Variants in LCOR observed in about 807,000 individuals in gnomAD.
LCOR encodes ligand-dependent corepressor.
In LCOR, 14 loss-of-function variants were observed where a neutral mutation model predicts 64.4. That is an observed-to-expected ratio of 0.22 (90% confidence interval 0.14 to 0.34). The LOEUF is 0.34. Among genes scored for constraint, LCOR ranks in the 10% least tolerant of loss-of-function variants. LCOR has a pLI of 1.00. For synonymous variants in LCOR, 643 were observed against 642.5 expected (o/e 1.00, Z -0.01); for missense variants, 1,686 against 1,765.3 (o/e 0.96, Z 0.80).
chr10:96,871,879 A>G (rs1404081816), intron 2 of LCOR, among the ~76,000 whole-genome samples: 1 of 152,208 alleles, frequency 6.6e-6, no homozygotes, highest in African/African-American at 2.4e-5. Flanking sequence ...AAACAACAAC[A>G]GTAAACAAAC....
At chr10:96,914,831 G>A (rs1846910047) in intron 4 of LCOR, among the ~76,000 whole-genome samples, 1 of 152,004 alleles carries the variant, frequency 6.6e-6, no homozygotes, top group African/African-American at 2.4e-5. Flanking sequence ...ATCTAGAAAT[G>A]GAACCACTGC....
At chr10:96,946,730 A>G (rs908132615) in intron 5 of LCOR, among the ~76,000 whole-genome samples, 11 of 152,104 alleles carry the variant, frequency 7.2e-5, no homozygotes, top group African/African-American at 1.9e-4. Context: ...GTCTTGTCTC[A>G]TGACTGTGTT....
At position 96,871,217 on chromosome 10, in the gene LCOR, CTTTT is replaced by C. The variant is rs113618273; in HGVS notation, c.-329-36037_-329-36034del. Among the ~76,000 whole-genome samples, 7 of 140,020 alleles carry C rather than the reference CTTTT, an allele frequency of 5.0e-5. No individual in the cohort carries two copies. In the East Asian group the frequency reaches 1.0e-3, roughly 21 times the overall value. The allele number at this position is 140,020 out of a possible 152,430, so 91.9% of individuals were successfully genotyped here. On this transcript the variant is annotated intron_variant, in intron 2 of 7. Transcript: ENST00000421806. Reference sequence around the variant, plus strand: ...GCTTACAGGCATGTGCCACACCTGGCTTTTTTTTTTTTTTCCTCTTGTAGAGACA... The same window carrying C: ...GCTTACAGGCATGTGCCACACCTGGCTTTTTTTTTTCCTCTTGTAGAGACA...
intron 2 of LCOR, among the ~76,000 whole-genome samples, chr10:96,872,142 A>G (rs1452487991): frequency 2.6e-5 from 4 of 152,244 alleles, no homozygotes; most frequent in East Asian, 1.9e-4. Flanking sequence ...CTACCTCTAC[A>G]TAGATAGCCA....
chr10:96,934,966 C>G (rs1847322774), intron 4 of LCOR, among the ~76,000 whole-genome samples: 7 of 151,922 alleles, frequency 4.6e-5, no homozygotes, highest in Admixed American at 4.6e-4. Context: ...AATAAATATT[C>G]CTAAATTTAT....
In LCOR at chr10:96,916,332, C is replaced by T. The variant is rs1280614689; in HGVS notation, c.-184+8585C>T. ...AGGCGTGAGCCACCACACCCGGCCCCCTTGAAAGTTTATATTAACAGCAAG... is the reference window on the plus strand; with the variant it reads ...AGGCGTGAGCCACCACACCCGGCCCTCTTGAAAGTTTATATTAACAGCAAG... On this transcript the variant is annotated intron_variant, in intron 4 of 7. Coordinates refer to ENST00000421806, the MANE Select transcript of LCOR (RefSeq NM_001346516.2). 3.3e-5 allele frequency among the ~76,000 whole-genome samples: 5 copies of T among 151,746 alleles called. No homozygotes were observed. In the East Asian group the frequency reaches 9.8e-4, roughly 30 times the overall value.
intron 5 of LCOR, among the ~76,000 whole-genome samples, chr10:96,948,149 C>A (rs1274036216): frequency 2.0e-5 from 3 of 152,114 alleles, no homozygotes; most frequent in Non-Finnish European, 4.4e-5. Context: ...AAAAGTTCTT[C>A]GAGTTAATGA....
intron 7 of LCOR, chr10:96,957,396 C>T (rs867599278): frequency 3.0e-6 from 3 of 984,948 alleles, no homozygotes; most frequent in Middle Eastern, 5.2e-4. Context: ...AGTTTATTTT[C>T]TGCGGTTTTT....
intron 2 of LCOR, among the ~76,000 whole-genome samples, chr10:96,888,388 A>AG (rs1846382681): frequency 6.7e-6 from 1 of 149,832 alleles, no homozygotes; most frequent in Non-Finnish European, 1.5e-5. Flanking sequence ...AAAAAAAAAA[A>AG]AAAGAACAGT....
At chr10:96,915,220 A>T (rs1646259101) in intron 4 of LCOR, among the ~76,000 whole-genome samples, 1 of 152,122 alleles carries the variant, frequency 6.6e-6, no homozygotes, top group Non-Finnish European at 1.5e-5. Context: ...CATAGCTTTT[A>T]AAAATATGTA....
chr10:96,884,961 G>A (rs1427488612), intron 2 of LCOR, among the ~76,000 whole-genome samples: 3 of 152,064 alleles, frequency 2.0e-5, no homozygotes. Context: ...TGTTTGTTGG[G>A]GAGGGGAGTG....
chr10:96,868,318 A>G (rs1326307824), intron 2 of LCOR, among the ~76,000 whole-genome samples: 1 of 141,102 alleles, frequency 7.1e-6, no homozygotes, highest in Non-Finnish European at 1.5e-5. Context: ...ACTGTTGTTC[A>G]GGCTGGAGTG....
chr10:96,973,002 TG>T (rs1035319343), intron 7 of LCOR, among the ~76,000 whole-genome samples: 1 of 152,088 alleles, frequency 6.6e-6, no homozygotes, highest in African/African-American at 2.4e-5. Context: ...TCTATAGGGG[TG>T]AAGAGATACA....
At chr10:96,909,712 A>G (rs980136645) in intron 4 of LCOR, among the ~76,000 whole-genome samples, 1 of 152,144 alleles carries the variant, frequency 6.6e-6, no homozygotes, top group South Asian at 2.1e-4. Context: ...CTTGTTTTCT[A>G]CATGAAAAAG....
chr10:96,981,236 A>G lies in LCOR; in HGVS notation c.776A>G (p.Asn259Ser), dbSNP rs1366534708. 2.3e-6 allele frequency: 2 copies of G among 863,648 alleles called. No individual in the cohort carries two copies. The highest frequency in any genetic ancestry group is 3.9e-5 in the Admixed American group (2 of 50,838). The allele number at this position is 863,648 out of a possible 1,614,324, so 53.5% of individuals were successfully genotyped here. A position where few individuals can be genotyped will look rare whatever the true frequency, so the allele number is the denominator to read the frequency against. The change falls in exon 8 of 8, where the codon AAT becomes AGT. Residue 259 changes from asparagine to serine, a missense_variant. Around this residue, in one of 3 missense-constraint regions of LCOR, gnomAD observed 313 missense variants for 247.2 expected, o/e 1.27. Coordinates refer to ENST00000421806, the MANE Select transcript of LCOR (RefSeq NM_001346516.2). ...CCAACCACTAAATCGAATTCTATTA[A>G]TAGCAGTTCAGTGGATAGTTTCACT... ...ELPTTKSNSI[N>S]SSSVDSFTPG...
chr10:96,917,600 G>C (rs1175155991), intron 4 of LCOR, among the ~76,000 whole-genome samples: 7 of 152,288 alleles, frequency 4.6e-5, no homozygotes, highest in African/African-American at 1.4e-4. Context: ...AAAAGGATCT[G>C]TGTGTGTTTT....
intron 2 of LCOR, among the ~76,000 whole-genome samples, chr10:96,862,731 G>A (rs561586011): frequency 2.6e-5 from 4 of 152,294 alleles, no homozygotes; most frequent in Non-Finnish European, 5.9e-5. Flanking sequence ...GGAATTGCCA[G>A]CCCCCGTCAA....
At chr10:96,944,017 T>G in intron 4 of LCOR, 96 bp from the exon 5 acceptor site, 4 of 707,648 alleles carry the variant, frequency 5.7e-6, no homozygotes, top group Non-Finnish European at 6.9e-6. Context: ...ATCAAATTAA[T>G]TTGCCTTATT....
chr10:96,846,944 A>G (rs537343361), intron 2 of LCOR, among the ~76,000 whole-genome samples: 1 of 152,308 alleles, frequency 6.6e-6, no homozygotes, highest in Non-Finnish European at 1.5e-5. Context: ...GTAAGTGGAT[A>G]AATGGAGTAA....
Sources: allele counts gnomAD v4.1 joint callset (sites outside exome capture counted in the v4.1 genomes callset), GRCh38; gene constraint gnomAD v4.1.1; regional missense constraint gnomAD v4.1.1; transcripts MANE v1.5; gene names NCBI Gene and HGNC (gene_info 2026-07-23, HGNC 2026-07-21).